PRKCZ: variants seen among roughly 807,000 people sequenced by gnomAD.
PRKCZ encodes the protein protein kinase C zeta, also known as protein kinase C zeta type.
In PRKCZ, 33 loss-of-function variants were observed where a neutral mutation model predicts 79.5. That is an observed-to-expected ratio of 0.41 (90% CI 0.31 to 0.55). The LOEUF (loss-of-function observed/expected upper bound fraction) is 0.55, where lower values mean the gene tolerates loss of function less well. PRKCZ is among the 20% of genes least tolerant of loss of function. PRKCZ has a pLI of 0.19. For missense variants in PRKCZ, 578 were observed against 813.5 expected, an observed-to-expected ratio of 0.71 and a Z score of 3.52; for synonymous variants, 342 against 320.9, an observed-to-expected ratio of 1.07 and a Z score of -0.70.
In PRKCZ at chr1:2,172,326, C is replaced by T; in HGVS notation, c.1223C>T (p.Thr408Met). The stretch of plus-strand genomic sequence containing the variant: ...GAAGGCCTGGGCCCTGGTGACACAA[C>T]GAGCACTTTCTGCGGAACCCCGAAT... ...CKEGLGPGDT[T>M]STFCGTPNYI... The change falls in exon 13 of 18, where the codon ACG (threonine) becomes ATG (methionine). Residue 408 changes from threonine to methionine, a missense_variant. This residue lies in a region of PRKCZ where 243 missense variants were observed against 467.0 expected (regional missense o/e 0.52). Coordinates refer to ENST00000378567, the MANE Select transcript of PRKCZ (RefSeq NM_002744.6). This position sits in a 1 kb window ranked among gnomAD's most constrained non-coding sequence, Gnocchi z 7.8. 1 of 1,613,632 alleles carries T rather than the reference C, an allele frequency of 6.2e-7. No homozygotes were observed. Among genetic ancestry groups the T allele is most frequent in the Non-Finnish European group, 8.5e-7 (1 of 1,180,018 alleles).
chr1:2,097,325 A>C (rs1449093129), intron 4 of PRKCZ, among the ~76,000 whole-genome samples: 1 of 152,110 alleles, frequency 6.6e-6, no homozygotes, highest in Non-Finnish European at 1.5e-5. Flanking sequence ...TCAGGGGCCC[A>C]GGTACCTTTC....
At chr1:2,158,080 G>A (rs1304636311) in intron 10 of PRKCZ, among the ~76,000 whole-genome samples, 1 of 150,470 alleles carries the variant, frequency 6.6e-6, no homozygotes, top group Non-Finnish European at 1.5e-5. Flanking sequence ...AGCCACCTCT[G>A]TCTGTCGGAA....
rs1019234847 is a variant in PRKCZ at position 2,082,130 on chromosome 1, G to A, written c.334+22539G>A. ...TAAGTGTCTTTCCACACGGCCATCC[G>A]AGGGCGGACGTGGTCAGGGGTGCTG... On this transcript the variant is annotated intron_variant, in intron 4 of 17. Coordinates refer to ENST00000378567, the MANE Select transcript of PRKCZ (RefSeq NM_002744.6). The surrounding 1 kb of genome is among the most constrained non-coding windows in gnomAD (Gnocchi z 4.4). 1.1e-4 allele frequency: 36 copies of A among 321,472 alleles called. No homozygotes were observed. The highest frequency in any genetic ancestry group is 2.2e-3 in the Middle Eastern group (2 of 898). 19.9% of individuals were successfully genotyped at this position (321,472 alleles called of 1,614,324 possible).
At chr1:2,146,639 T>TA (rs1415884512) in intron 7 of PRKCZ, among the ~76,000 whole-genome samples, 1 of 152,166 alleles carries the variant, frequency 6.6e-6, no homozygotes, top group Non-Finnish European at 1.5e-5. Flanking sequence ...CAGTTGGACT[T>TA]ACAGCCCAGG....
At chr1:2,137,165 A>G (rs2103045151) in intron 5 of PRKCZ, among the ~76,000 whole-genome samples, 1 of 152,320 alleles carries the variant, frequency 6.6e-6, no homozygotes, top group South Asian at 2.1e-4. Flanking sequence ...TAAAGGCCCA[A>G]GAACCTGGAA....
At chr1:2,110,692 T>G (rs1669556794) in intron 4 of PRKCZ, among the ~76,000 whole-genome samples, 1 of 140,880 alleles carries the variant, frequency 7.1e-6, no homozygotes, top group South Asian at 2.5e-4. Flanking sequence ...CCTTGGTGAC[T>G]GTGGGCCTCT....
In PRKCZ at chr1:2,082,757, G is replaced by A. The variant is rs28436686; in HGVS notation, c.334+23166G>A. 0.21 allele frequency among the ~76,000 whole-genome samples: 32,030 copies of A among 151,280 alleles called. 4,006 individuals carry two copies. Among genetic ancestry groups the A allele is most frequent in the Non-Finnish European group, 0.29 (19,814 of 67,748 alleles). The stretch of plus-strand genomic sequence containing the variant: ...GTTCCATTTGTTTTTTTGCCTGAGC[G>A]TCCGGGGGTGGCTTTGAGGACACCT... On this transcript the variant is annotated intron_variant, in intron 4 of 17. Transcript: ENST00000378567. This position sits in a 1 kb window ranked among gnomAD's most constrained non-coding sequence, Gnocchi z 4.4.
Position 2,125,675 on chromosome 1 carries a change from T to C in PRKCZ, c.335-9587T>C, listed in dbSNP as rs552510044. Among the ~76,000 whole-genome samples the C allele has an allele frequency of 6.2e-4, 94 of 152,326 alleles. No homozygotes were observed. The highest frequency in any genetic ancestry group is 2.1e-3 in the African/African-American group (88 of 41,588). Reference sequence around the variant, plus strand: ...GGTGCCTCCCGCTTTCCATCCGCATTCCATGGCAGGTGAGTCTGATTATTC... The same window carrying C: ...GGTGCCTCCCGCTTTCCATCCGCATCCCATGGCAGGTGAGTCTGATTATTC... On this transcript the variant is annotated intron_variant, in intron 4 of 17. Coordinates refer to ENST00000378567, the MANE Select transcript of PRKCZ (RefSeq NM_002744.6). This position sits in a 1 kb window ranked among gnomAD's most constrained non-coding sequence, Gnocchi z 4.2.
intron 10 of PRKCZ, among the ~76,000 whole-genome samples, chr1:2,158,106 G>A (rs917292760): frequency 3.3e-5 from 5 of 152,184 alleles, no homozygotes; most frequent in African/African-American, 4.8e-5. Flanking sequence ...GGCGTGACCC[G>A]GCCGTTCCCC....
At position 2,174,051 on chromosome 1, in the gene PRKCZ, T is replaced by G; in HGVS notation, c.1405+35T>G. 6.5e-7 allele frequency: 1 copy of G among 1,548,084 alleles called. No individual in the cohort carries two copies. The highest frequency in any genetic ancestry group is 1.4e-5 in the African/African-American group (1 of 72,868). On this transcript the variant is annotated intron_variant, in intron 14 of 17. Coordinates refer to ENST00000378567, the MANE Select transcript of PRKCZ (RefSeq NM_002744.6). This position sits in a 1 kb window ranked among gnomAD's most constrained non-coding sequence, Gnocchi z 6.2. The stretch of plus-strand genomic sequence containing the variant: ...CCGCTGTGCGTTCGTACCCCTCACC[T>G]GCACGACTGTCTTCCTTCCTTTTCA...
intron 4 of PRKCZ, among the ~76,000 whole-genome samples, chr1:2,119,600 T>C (rs760961347): frequency 1.3e-5 from 2 of 152,180 alleles, no homozygotes; most frequent in Non-Finnish European, 2.9e-5. Context: ...AAATTCTACG[T>C]GTATTTCAGA....
intron 4 of PRKCZ, among the ~76,000 whole-genome samples, chr1:2,103,544 C>T (rs1667858269): frequency 6.6e-6 from 1 of 152,140 alleles, no homozygotes; most frequent in East Asian, 1.9e-4. Context: ...ATCAGTCATG[C>T]AGTCATGTAC....
At chr1:2,159,615 G>C (rs1337384835) in intron 10 of PRKCZ, among the ~76,000 whole-genome samples, 1 of 152,222 alleles carries the variant, frequency 6.6e-6, no homozygotes, top group East Asian at 1.9e-4. Context: ...ATCTGGTCTT[G>C]CCTCTTCTGG....
chr1:2,118,339 TTTG>T (rs954707100), intron 4 of PRKCZ, among the ~76,000 whole-genome samples: 5 of 82,290 alleles, frequency 6.1e-5, no homozygotes, highest in African/African-American at 3.3e-4. Context: ...ATGAAATGTT[TTTG>T]TTTTTTTTTT....
chr1:2,079,373 C>T (rs1463895756), intron 4 of PRKCZ, among the ~76,000 whole-genome samples: 1 of 152,244 alleles, frequency 6.6e-6, no homozygotes. Flanking sequence ...AGCACTGAGG[C>T]ACAGACAGGT....
At chr1:2,073,966 C>T (rs992421300) in intron 4 of PRKCZ, 15 of 1,382,726 alleles carry the variant, frequency 1.1e-5, no homozygotes, top group Middle Eastern at 2.7e-4. Context: ...ATTTTCCGCG[C>T]CCCCGGGGCC....
Position 2,185,003 on chromosome 1 carries a change from G to C in PRKCZ, c.1773G>C (p.Ser591=), listed in dbSNP as rs375012753. The change falls in exon 18 of 18, where the codon TCG becomes TCC. Residue 591 remains serine (S), a synonymous_variant. Transcript: ENST00000378567. ...CATTATTGCTGTCCACCGAGGAGTCGGTGTGAGGCCGCGTGCGTCTCTGTC... is the reference window on the plus strand; with the variant it reads ...CATTATTGCTGTCCACCGAGGAGTCCGTGTGAGGCCGCGTGCGTCTCTGTC... The part of the protein sequence containing the change: ...INPLLLSTEE[S]V 3 of 1,612,310 alleles carry C rather than the reference G, an allele frequency of 1.9e-6. No homozygotes were observed. In the African/African-American group the frequency reaches 4.0e-5, roughly 22 times the overall value.
intron 4 of PRKCZ, among the ~76,000 whole-genome samples, chr1:2,117,565 C>A (rs537684363): frequency 2.6e-5 from 4 of 152,240 alleles, no homozygotes; most frequent in African/African-American, 7.2e-5. Context: ...CACTGTTGAT[C>A]CTTCCAAAAC....
At chr1:2,096,867 G>C (rs532906784) in intron 4 of PRKCZ, among the ~76,000 whole-genome samples, 71 of 152,294 alleles carry the variant, frequency 4.7e-4, no homozygotes, top group Non-Finnish European at 9.3e-4. Flanking sequence ...AGGCACCCTG[G>C]GGAGGACTCA....
Sources: gnomAD v4.1 joint callset for allele counts (sites outside exome capture counted in the v4.1 genomes callset) on GRCh38, gnomAD v4.1.1 for gene constraint, gnomAD v4.1.1 regional missense constraint, Gnocchi (gnomAD v3.1) non-coding constraint, MANE v1.5 for transcripts, NCBI Gene and HGNC (gene_info 2026-07-23, HGNC 2026-07-21) for gene names.